FHIT: variants seen among roughly 807,000 people sequenced by gnomAD.
FHIT encodes bis(5'-adenosyl)-triphosphatase.
FHIT carries 19 observed loss-of-function variants against 17.9 expected under a neutral mutation model. The ratio of observed to expected loss-of-function variants is 1.06; its 90% CI spans 0.74 to 1.56. The LOEUF (loss-of-function observed/expected upper bound fraction) is 1.56. Among genes scored for constraint, FHIT ranks in the 40% most tolerant of loss-of-function variants. The pLI is 0.00. For synonymous variants in FHIT, 81 were observed against 69.7 expected (o/e 1.16, Z -0.81); for missense variants, 248 against 189.2 (o/e 1.31, Z -1.82).
chr3:60,355,441 A>G (rs971574475), intron 5 of FHIT, among the ~76,000 whole-genome samples: 11 of 152,022 alleles, frequency 7.2e-5, no homozygotes, highest in African/African-American at 2.7e-4. Flanking sequence ...ATATCAATCC[A>G]TTTTCCATGT....
intron 1 of FHIT, among the ~76,000 whole-genome samples, chr3:61,249,347 G>A (rs2040558302): frequency 6.6e-6 from 1 of 152,068 alleles, no homozygotes; most frequent in African/African-American, 2.4e-5. Context: ...ATATATATAT[G>A]GAATCTTTAT....
At position 60,490,671 on chromosome 3, in the gene FHIT, CAA is replaced by C. The variant is rs377411602; in HGVS notation, c.103+46187_103+46188del. 3.1e-3 allele frequency among the ~76,000 whole-genome samples: 392 copies of C among 124,984 alleles called. 2 individuals are homozygous for C. Among genetic ancestry groups the C allele is most frequent in the African/African-American group, 9.8e-3 (332 of 33,848 alleles). The allele number at this position is 124,984 out of a possible 152,430, so 82.0% of individuals were successfully genotyped here. On this transcript the variant is annotated intron_variant, in intron 5 of 9. Coordinates refer to ENST00000492590, the MANE Select transcript of FHIT (RefSeq NM_002012.4). ...TTATCATGTCTTACTTGATTTGTAC[CAA>C]AAAAAAAAAAAAAAGATTAGATTTC...
chr3:61,148,018 A>G (rs1459464417), intron 2 of FHIT, among the ~76,000 whole-genome samples: 2 of 151,788 alleles, frequency 1.3e-5, no homozygotes, highest in East Asian at 3.9e-4. Flanking sequence ...TTAAATACAT[A>G]TAGAAAGAAG....
At chr3:59,956,087 C>G (rs1707378986) in intron 7 of FHIT, among the ~76,000 whole-genome samples, 1 of 152,222 alleles carries the variant, frequency 6.6e-6, no homozygotes, top group African/African-American at 2.4e-5. Context: ...GGCTGCATTT[C>G]TACTTGCCTA....
At chr3:59,805,820 A>T (rs2107009341) in intron 8 of FHIT, among the ~76,000 whole-genome samples, 1 of 152,242 alleles carries the variant, frequency 6.6e-6, no homozygotes, top group Non-Finnish European at 1.5e-5. Context: ...CCATGTACTG[A>T]GCATGATGCT....
chr3:60,186,270 G>A (rs145213843), intron 5 of FHIT, among the ~76,000 whole-genome samples: 56 of 151,784 alleles, frequency 3.7e-4, no homozygotes, highest in Non-Finnish European at 7.1e-4. Context: ...TTCACATTTA[G>A]GTCTATTATT....
At chr3:60,644,355 C>T (rs143499302) in intron 4 of FHIT, among the ~76,000 whole-genome samples, 1 of 152,020 alleles carries the variant, frequency 6.6e-6, no homozygotes, top group Non-Finnish European at 1.5e-5. Flanking sequence ...AAAACTGATA[C>T]CGTGAAATAT....
intron 5 of FHIT, among the ~76,000 whole-genome samples, chr3:60,086,892 CT>C: frequency 6.6e-6 from 1 of 152,300 alleles, no homozygotes; most frequent in South Asian, 2.1e-4. Flanking sequence ...TTGGGAGTCC[CT>C]TTGGTAGCTC....
At chr3:60,514,406 G>T (rs2035068702) in intron 5 of FHIT, among the ~76,000 whole-genome samples, 1 of 152,204 alleles carries the variant, frequency 6.6e-6, no homozygotes, top group South Asian at 2.1e-4. Context: ...CGTGGGGAGT[G>T]GCCAGCAGTG....
chr3:61,092,854 AAAT>A (rs1372087605), intron 2 of FHIT, among the ~76,000 whole-genome samples: 13 of 152,232 alleles, frequency 8.5e-5, no homozygotes, highest in African/African-American at 2.4e-4. Context: ...TAATAAAAAT[AAAT>A]AATAACGAAA....
chr3:61,001,214 G>A (rs2031058596), intron 3 of FHIT, among the ~76,000 whole-genome samples: 1 of 152,204 alleles, frequency 6.6e-6, no homozygotes, highest in South Asian at 2.1e-4. Context: ...TGATGGGAAT[G>A]TAAAATGGTA....
chr3:61,057,615 T>C (rs987056715), intron 2 of FHIT, among the ~76,000 whole-genome samples: 3 of 152,178 alleles, frequency 2.0e-5, no homozygotes, highest in Admixed American at 2.0e-4. Context: ...ATAAATTATG[T>C]TACATGTTGG....
chr3:61,216,784 C>G (rs1308053485), intron 1 of FHIT, among the ~76,000 whole-genome samples: 1 of 152,122 alleles, frequency 6.6e-6, no homozygotes, highest in Non-Finnish European at 1.5e-5. Flanking sequence ...GAAAATGTGG[C>G]ACATATATAC....
chr3:60,252,364 C>T (rs1306158554), intron 5 of FHIT, among the ~76,000 whole-genome samples: 1 of 151,784 alleles, frequency 6.6e-6, no homozygotes, highest in Non-Finnish European at 1.5e-5. Flanking sequence ...GGCAACATAG[C>T]GAAACCCCGT....
intron 7 of FHIT, among the ~76,000 whole-genome samples, chr3:59,955,911 C>T (rs558321720): frequency 6.6e-5 from 10 of 152,198 alleles, no homozygotes; most frequent in Non-Finnish European, 1.0e-4. Flanking sequence ...GCCCAGCAAC[C>T]GCCATGGTGT....
chr3:61,211,667 C>T (rs552022182), intron 1 of FHIT, among the ~76,000 whole-genome samples: 58 of 152,346 alleles, frequency 3.8e-4, no homozygotes, highest in African/African-American at 7.9e-4. Flanking sequence ...TCTCCCAGCA[C>T]GCAGCCAGAG....
chr3:61,141,600 T>C (rs749524095), intron 2 of FHIT, among the ~76,000 whole-genome samples: 1 of 144,960 alleles, frequency 6.9e-6, no homozygotes, highest in Non-Finnish European at 1.6e-5. Context: ...ACAGAAACTA[T>C]CTCTTACGAT....
At chr3:60,118,357 C>T (rs1046486538) in intron 5 of FHIT, among the ~76,000 whole-genome samples, 1 of 151,850 alleles carries the variant, frequency 6.6e-6, no homozygotes, top group Non-Finnish European at 1.5e-5. Flanking sequence ...ATCCTCCTGC[C>T]TAAGCCTCCC....
chr3:59,976,188 C>T (rs1708403885), intron 7 of FHIT, among the ~76,000 whole-genome samples: 1 of 152,030 alleles, frequency 6.6e-6, no homozygotes, highest in Non-Finnish European at 1.5e-5. Flanking sequence ...AGGAAGCTTT[C>T]AATAATCACA....
Sources: gnomAD v4.1 joint callset for allele counts (sites outside exome capture counted in the v4.1 genomes callset) on GRCh38, gnomAD v4.1.1 for gene constraint, MANE v1.5 for transcripts, NCBI Gene and HGNC (gene_info 2026-07-23, HGNC 2026-07-21) for gene names.